ZBTB20: variants seen among roughly 807,000 people sequenced by gnomAD.
ZBTB20 encodes zinc finger and BTB domain containing 20.
In ZBTB20, 9 loss-of-function variants were observed where a neutral mutation model predicts 56.9. That is an observed-to-expected ratio of 0.16 (90% CI 0.10 to 0.28). ZBTB20 has a LOEUF of 0.28. Among genes scored for constraint, ZBTB20 ranks in the 10% least tolerant of loss-of-function variants. The pLI is 1.00. For synonymous variants in ZBTB20, 417 were observed against 420.7 expected (o/e 0.99, Z 0.11); for missense variants, 655 against 1,003.0 (o/e 0.65, Z 4.69).
chr3:114,470,914 G>A (rs1490393889), intron 7 of ZBTB20, among the ~76,000 whole-genome samples: 1 of 152,098 alleles, frequency 6.6e-6, no homozygotes, highest in Non-Finnish European at 1.5e-5. Context: ...ACATCCTAAG[G>A]TTAGATATAG....
Position 114,351,148 on chromosome 3 carries a change from G to A in ZBTB20, c.930C>T (p.His310=). ...RYLSTTPETT[H]CRKQPRPVRI... is the part of the protein sequence containing the mutation. The stretch of plus-strand genomic sequence containing the variant: ...GCACAGGCCGGGGCTGCTTGCGGCA[G>A]TGCGTGGTCTCGGGGGTGGTGGACA... Residue 310 remains histidine, a synonymous_variant, in exon 11 of 12, where the codon CAC becomes CAT. Coordinates refer to ENST00000675478, the MANE Select transcript of ZBTB20 (RefSeq NM_001348800.3). 6.2e-7 allele frequency: 1 copy of A among 1,604,670 alleles called. No homozygotes were observed. Among genetic ancestry groups the A allele is most frequent in the Non-Finnish European group, 8.5e-7 (1 of 1,179,802 alleles).
intron 7 of ZBTB20, among the ~76,000 whole-genome samples, chr3:114,417,641 T>C (rs1338520637): frequency 6.6e-6 from 1 of 152,110 alleles, no homozygotes. Context: ...CTTGTTTGCA[T>C]ACACGTCTAT....
intron 4 of ZBTB20, among the ~76,000 whole-genome samples, chr3:114,804,645 TATAAA>T (rs1489716949): frequency 6.6e-6 from 1 of 151,894 alleles, no homozygotes; most frequent in East Asian, 1.9e-4. Context: ...AACTTTTTAT[TATAAA>T]ATATTTCAAA....
At chr3:114,661,141 G>T (rs1392965587) in intron 6 of ZBTB20, among the ~76,000 whole-genome samples, 1 of 152,042 alleles carries the variant, frequency 6.6e-6, no homozygotes, top group Admixed American at 6.6e-5. Flanking sequence ...AAGAAAAGTG[G>T]CTCAGTGTCT....
intron 4 of ZBTB20, among the ~76,000 whole-genome samples, chr3:114,877,221 A>T (rs2076231745): frequency 6.6e-6 from 1 of 152,228 alleles, no homozygotes; most frequent in Non-Finnish European, 1.5e-5. Context: ...CCAACCATTC[A>T]TTTATTAAAA....
At position 114,467,899 on chromosome 3, in the gene ZBTB20, A is replaced by C. The variant is rs531604168; in HGVS notation, c.-255+32453T>G. Among the ~76,000 whole-genome samples the C allele has an allele frequency of 9.2e-5, 14 of 152,308 alleles. No individual in the cohort carries two copies. In the East Asian group the frequency reaches 1.2e-3, roughly 13 times the overall value. ...ATTGTGCTAAACGCTGGGATCAGAA[A>C]AATTTCCATAAATGCTTGGATGGCT... On this transcript the variant is annotated intron_variant, in intron 7 of 11. Transcript: ENST00000675478.
chr3:114,689,708 A>G (rs1466485088), intron 6 of ZBTB20, among the ~76,000 whole-genome samples: 2 of 152,178 alleles, frequency 1.3e-5, no homozygotes. Context: ...TATATAATAC[A>G]TAAGCTAGAA....
In ZBTB20 at chr3:114,573,138, T is replaced by C. The variant is rs2053614222; in HGVS notation, c.-294-72747A>G. Among the ~76,000 whole-genome samples, 6 of 152,254 alleles carry C rather than the reference T, an allele frequency of 3.9e-5. No homozygotes were observed. In the South Asian group the frequency reaches 1.2e-3, roughly 32 times the overall value. On this transcript the variant is annotated intron_variant, in intron 6 of 11. Transcript: ENST00000675478. Reference sequence around the variant, plus strand: ...AAATGTGCTTTGAGTATGTTAATCTTAGAAATGACTGAAGAAAATGACATT... The same window carrying C: ...AAATGTGCTTTGAGTATGTTAATCTCAGAAATGACTGAAGAAAATGACATT...
At chr3:114,342,552 T>C (rs1045435058) in intron 11 of ZBTB20, among the ~76,000 whole-genome samples, 9 of 152,240 alleles carry the variant, frequency 5.9e-5, no homozygotes, top group African/African-American at 2.2e-4. Flanking sequence ...GACTTGGGCA[T>C]GTCATTTAAC....
At chr3:114,612,101 T>G (rs1377497929) in intron 6 of ZBTB20, among the ~76,000 whole-genome samples, 1 of 152,196 alleles carries the variant, frequency 6.6e-6, no homozygotes, top group Non-Finnish European at 1.5e-5. Flanking sequence ...TTTCCCATAT[T>G]AAACCATTGG....
intron 6 of ZBTB20, among the ~76,000 whole-genome samples, chr3:114,579,098 G>A (rs2054384636): frequency 6.6e-6 from 1 of 151,684 alleles, no homozygotes; most frequent in Non-Finnish European, 1.5e-5. Context: ...AAAATACACA[G>A]TTCAGTATAC....
chr3:115,054,516 G>A (rs975846562), intron 2 of ZBTB20, among the ~76,000 whole-genome samples: 3 of 151,944 alleles, frequency 2.0e-5, no homozygotes, highest in Non-Finnish European at 4.4e-5. Context: ...TCTTTTCCCC[G>A]TCAAGTATTC....
intron 3 of ZBTB20, among the ~76,000 whole-genome samples, chr3:114,902,117 G>T (rs529102185): frequency 6.6e-6 from 1 of 152,086 alleles, no homozygotes; most frequent in South Asian, 2.1e-4. Context: ...CTTCCTCAAA[G>T]GGGCATAGCC....
intron 6 of ZBTB20, among the ~76,000 whole-genome samples, chr3:114,651,550 T>TAAAAAAA (rs57059379): frequency 1.1e-5 from 1 of 91,404 alleles, no homozygotes; most frequent in African/African-American, 3.3e-5. Context: ...GGTTGGATAG[T>TAAAAAAA]AAAAAAAAAA....
intron 1 of ZBTB20, among the ~76,000 whole-genome samples, chr3:115,134,559 C>T (rs1252067846): frequency 6.6e-6 from 1 of 151,902 alleles, no homozygotes; most frequent in Non-Finnish European, 1.5e-5. Flanking sequence ...TTTTCATTCA[C>T]TAATTCATAT....
At chr3:114,742,765 A>G (rs2066710343) in intron 5 of ZBTB20, among the ~76,000 whole-genome samples, 1 of 152,126 alleles carries the variant, frequency 6.6e-6, no homozygotes, top group African/African-American at 2.4e-5. Flanking sequence ...AAGCTTTTAA[A>G]ACCTACTGAT....
chr3:114,903,158 C>G (rs2075190693), intron 3 of ZBTB20, among the ~76,000 whole-genome samples: 1 of 152,088 alleles, frequency 6.6e-6, no homozygotes, highest in African/African-American at 2.4e-5. Flanking sequence ...AAGCACTTAG[C>G]TTTTGCCATC....
intron 1 of ZBTB20, among the ~76,000 whole-genome samples, chr3:115,080,183 C>A (rs1201070438): frequency 6.6e-6 from 1 of 152,076 alleles, no homozygotes; most frequent in Non-Finnish European, 1.5e-5. Flanking sequence ...CTCTTTCTAC[C>A]AGAAACACAA....
chr3:114,597,619 C>T (rs2056424654), intron 6 of ZBTB20, among the ~76,000 whole-genome samples: 1 of 152,202 alleles, frequency 6.6e-6, no homozygotes, highest in African/African-American at 2.4e-5. Flanking sequence ...ATTCTTCTTC[C>T]AATTCAAAAG....
Sources: allele counts gnomAD v4.1 joint callset (sites outside exome capture counted in the v4.1 genomes callset), GRCh38; gene constraint gnomAD v4.1.1; transcripts MANE v1.5; gene names NCBI Gene and HGNC (gene_info 2026-07-23, HGNC 2026-07-21).